FAM234B: variants seen among roughly 807,000 people sequenced by gnomAD.
FAM234B encodes family with sequence similarity 234 member B, also known as protein FAM234B.
In FAM234B, 33 loss-of-function variants were observed where a neutral mutation model predicts 69.3. That is an observed-to-expected ratio of 0.48 (90% CI 0.36 to 0.64). The LOEUF (loss-of-function observed/expected upper bound fraction) is 0.64, where lower values mean the gene tolerates loss of function less well. FAM234B is among the 30% of genes least tolerant of loss of function. The pLI, the probability that FAM234B is intolerant of heterozygous loss-of-function variation, is 0.00. For synonymous variants in FAM234B, 306 were observed against 306.9 expected (o/e 1.00, Z 0.03); for missense variants, 697 against 769.7 (o/e 0.91, Z 1.12).
At chr12:13,059,588 T>C (rs1369357970) in intron 3 of FAM234B, among the ~76,000 whole-genome samples, 1 of 152,150 alleles carries the variant, frequency 6.6e-6, no homozygotes, top group Non-Finnish European at 1.5e-5. Flanking sequence ...GGGACCTAGT[T>C]TGATGCTGAG....
chr12:13,078,346 T>C (rs1157220371), intron 11 of FAM234B, among the ~76,000 whole-genome samples: 4 of 152,226 alleles, frequency 2.6e-5, no homozygotes, highest in East Asian at 1.9e-4. Flanking sequence ...TCCTTGCCCA[T>C]GCCTATGTCC....
At chr12:13,075,605 T>G (rs1865150213) in intron 10 of FAM234B, among the ~76,000 whole-genome samples, 1 of 108,480 alleles carries the variant, frequency 9.2e-6, no homozygotes, top group South Asian at 4.0e-4. Flanking sequence ...CCAGCTTTTT[T>G]TTCTCTTTTT....
In FAM234B at chr12:13,068,396, G is replaced by A. The variant is rs757139276; in HGVS notation, c.1235G>A (p.Arg412Gln). 3.7e-6 allele frequency: 6 copies of A among 1,614,144 alleles called. No individual in the cohort carries two copies. The East Asian group carries it at 6.7e-5, about 18-fold the overall frequency. The change falls in exon 8 of 13, where the codon CGG (arginine) becomes CAG (glutamine). Residue 412 changes from arginine to glutamine, a missense_variant. This residue lies in a region of FAM234B where 313 missense variants were observed against 305.5 expected (regional missense o/e 1.02). Transcript: ENST00000197268. The stretch of plus-strand genomic sequence containing the variant: ...ACCAGACAAAGCCTTGTGCTGCTTC[G>A]GGGGCAAAATCTGACACCTTACTGG... Reference protein sequence around the residue: ...ITTRQSLVLLRGQNLTPYWAL... With the variant: ...ITTRQSLVLLQGQNLTPYWAL...
intron 1 of FAM234B, among the ~76,000 whole-genome samples, chr12:13,046,918 A>G (rs1322759305): frequency 1.3e-5 from 2 of 152,238 alleles, no homozygotes; most frequent in Non-Finnish European, 2.9e-5. Context: ...ATTATGGAAC[A>G]TTCACTCTAT....
rs1478128166 is a variant in FAM234B, at chr12:13,079,817, C to T, written c.1671C>T (p.Ala557=). Residue 557 remains alanine, a synonymous_variant, in exon 12 of 13, where the codon GCC becomes GCT. Coordinates refer to ENST00000197268, the MANE Select transcript of FAM234B (RefSeq NM_020853.2). The stretch of plus-strand genomic sequence containing the variant: ...GAATTAACGACCTCTGGAAAGATGC[C>T]TTTTATGTTACCAGGACAACAGGGC... ...EVGINDLWKD[A]FYVTRTTGPS... 2 of 1,613,914 alleles carry T rather than the reference C, an allele frequency of 1.2e-6. No homozygotes were observed. The highest frequency in any genetic ancestry group is 1.7e-5 in the Admixed American group (1 of 59,994).
At chr12:13,069,226 A>G (rs1034654294) in intron 9 of FAM234B, among the ~76,000 whole-genome samples, 1 of 152,236 alleles carries the variant, frequency 6.6e-6, no homozygotes, top group Non-Finnish European at 1.5e-5. Flanking sequence ...AGGACACTGA[A>G]TAGATCTTTG....
At chr12:13,068,579 T>C (rs2120487972) in intron 8 of FAM234B, 51 bp from the exon 9 acceptor site, 2 of 1,587,118 alleles carry the variant, frequency 1.3e-6, no homozygotes, top group Non-Finnish European at 1.7e-6. Context: ...GTTCTTAGTT[T>C]TCCTGTTTTT....
chr12:13,061,586 C>G lies in FAM234B; in HGVS notation c.544C>G (p.Pro182Ala). 1 of 1,612,618 alleles carries G rather than the reference C, an allele frequency of 6.2e-7. No individual in the cohort carries two copies. Among genetic ancestry groups the G allele is most frequent in the Non-Finnish European group, 8.5e-7 (1 of 1,179,152 alleles). The change falls in exon 4 of 13, where the codon CCA becomes GCA. Residue 182 changes from proline (P) to alanine (A), a missense_variant. Physicochemically the swap from Pro to Ala is conservative, Grantham distance 27. This residue lies in a region of FAM234B where 380 missense variants were observed against 447.1 expected (regional missense o/e 0.85). Coordinates refer to ENST00000197268, the MANE Select transcript of FAM234B (RefSeq NM_020853.2). ...RNGSAVGVSR[P>A]AANLVCLSGM... is the part of the protein sequence containing the mutation. ...TTGTGTGCTTTTAGGTGTCTCAAGA[C>G]CAGCTGCTAATCTTGTATGCCTTTC...
chr12:13,068,249 GC>G, intron 7 of FAM234B, 54 bp from the exon 8 acceptor site: 1 of 1,606,828 alleles, frequency 6.2e-7, no homozygotes, highest in South Asian at 1.1e-5. Context: ...AAAGTAAATG[GC>G]TCAGAAATCT....
At chr12:13,047,250 G>A (rs10845701) in intron 1 of FAM234B, among the ~76,000 whole-genome samples, 36,550 of 152,118 alleles carry the variant, frequency 0.24, 5,375 homozygotes, top group East Asian at 0.53. Context: ...AGCCTGTAGG[G>A]CAGCTTATCT....
Position 13,067,320 on chromosome 12 carries a change from TCA to T in FAM234B, c.1142+27_1142+28del. 2 of 1,613,510 alleles carry T rather than the reference TCA, an allele frequency of 1.2e-6. No individual in the cohort carries two copies. Among genetic ancestry groups the T allele is most frequent in the Non-Finnish European group, 1.7e-6 (2 of 1,179,532 alleles). Reference sequence around the variant, plus strand: ...AGGTAGGGCAGACGTCTGTCCTTGGTCACAGTGAGATCTCTTGTGAACTCACA... The same window carrying T: ...AGGTAGGGCAGACGTCTGTCCTTGGTCAGTGAGATCTCTTGTGAACTCACA... On this transcript the variant is annotated intron_variant, in intron 7 of 12. Coordinates refer to ENST00000197268, the MANE Select transcript of FAM234B (RefSeq NM_020853.2). The surrounding 1 kb of genome is among the most constrained non-coding windows in gnomAD (Gnocchi z 4.7).
rs1865242377 is a variant in FAM234B, at chr12:13,082,209, C to T, written c.*1579C>T. On this transcript the variant is annotated 3_prime_UTR_variant, in exon 13 of 13. Coordinates refer to ENST00000197268, the MANE Select transcript of FAM234B (RefSeq NM_020853.2). ...CGAACTCCTGACCTCAGATAATCCA[C>T]CTGCTTCTGCCTCCCAAAGTGCTGG... 1 of 152,102 alleles carries T rather than the reference C, an allele frequency of 6.6e-6. No individual in the cohort carries two copies. The highest frequency in any genetic ancestry group is 1.5e-5 in the Non-Finnish European group (1 of 68,072). The allele number at this position is 152,102 out of a possible 1,614,324, so 9.4% of individuals were successfully genotyped here.
chr12:13,060,143 C>T (rs1258762347), intron 3 of FAM234B, among the ~76,000 whole-genome samples: 1 of 152,198 alleles, frequency 6.6e-6, no homozygotes, highest in East Asian at 1.9e-4. Context: ...AAAGAACTTG[C>T]CCAGTCCTAC....
intron 1 of FAM234B, among the ~76,000 whole-genome samples, chr12:13,045,114 A>C (rs1287687205): frequency 6.6e-6 from 1 of 152,092 alleles, no homozygotes; most frequent in Admixed American, 6.5e-5. Flanking sequence ...TTTGGCACCT[A>C]TAAGTTGAAG....
intron 10 of FAM234B, among the ~76,000 whole-genome samples, chr12:13,073,515 C>T (rs1207453523): frequency 6.6e-6 from 1 of 152,228 alleles, no homozygotes; most frequent in Non-Finnish European, 1.5e-5. Flanking sequence ...ACTTCCACCT[C>T]TTGTAGTCAT....
In FAM234B at chr12:13,079,909, A is replaced by G; in HGVS notation, c.1763A>G (p.Glu588Gly). 6.2e-7 allele frequency: 1 copy of G among 1,614,100 alleles called. No individual in the cohort carries two copies. Reference protein sequence around the residue: ...SKLSLRWALMEGQMAQLQEST... With the variant: ...SKLSLRWALMGGQMAQLQEST... ...CTTAGTCTACGGTGGGCACTAATGGAGGGCCAGATGGCTCAGCTACAGGAG... is the reference window on the plus strand; with the variant it reads ...CTTAGTCTACGGTGGGCACTAATGGGGGGCCAGATGGCTCAGCTACAGGAG... The change falls in exon 12 of 13, where the codon GAG becomes GGG. Residue 588 changes from glutamate to glycine, a missense_variant. Coordinates refer to ENST00000197268, the MANE Select transcript of FAM234B (RefSeq NM_020853.2).
chr12:13,062,381 A>C (rs1864993383), intron 4 of FAM234B: 1 of 156,018 alleles, frequency 6.4e-6, no homozygotes, highest in Non-Finnish European at 1.4e-5. Context: ...TCTGAGTGAA[A>C]AAAACTGGGA....
chr12:13,061,800 C>T (rs377746069), intron 4 of FAM234B, 37 bp downstream of exon 4: 42 of 1,542,938 alleles, frequency 2.7e-5, no homozygotes, highest in Middle Eastern at 3.4e-4. Context: ...TTTGCTCCTA[C>T]GAGCCATACT....
intron 10 of FAM234B, among the ~76,000 whole-genome samples, chr12:13,072,044 T>C (rs1865112376): frequency 1.3e-5 from 2 of 152,144 alleles, no homozygotes; most frequent in African/African-American, 2.4e-5. Flanking sequence ...ATGAAACACA[T>C]CTTGACTCAG....
Sources: gnomAD v4.1 joint callset for allele counts (sites outside exome capture counted in the v4.1 genomes callset) on GRCh38, gnomAD v4.1.1 for gene constraint, gnomAD v4.1.1 regional missense constraint, Gnocchi (gnomAD v3.1) non-coding constraint, MANE v1.5 for transcripts, NCBI Gene and HGNC (gene_info 2026-07-23, HGNC 2026-07-21) for gene names.